Variants in PFDN1 observed in about 807,000 individuals in gnomAD.
PFDN1 encodes prefoldin subunit 1.
PFDN1 carries 6 observed loss-of-function variants against 17.3 expected under a neutral mutation model. That is an observed-to-expected ratio of 0.35 (90% confidence interval 0.19 to 0.69). PFDN1 has a LOEUF of 0.69. PFDN1 is among the 30% of genes least tolerant of loss of function. PFDN1 has a pLI of 0.65. For missense variants in PFDN1, 113 were observed against 146.2 expected (o/e 0.77, Z 1.17); for synonymous variants, 58 against 50.1 (o/e 1.16, Z -0.67).
Position 140,281,509 on chromosome 5 carries a change from T to C in PFDN1, c.225A>G (p.Ala75=). Residue 75 remains alanine (A), a synonymous_variant, in exon 3 of 4, where the codon GCA becomes GCG. Coordinates refer to ENST00000261813, the MANE Select transcript of PFDN1 (RefSeq NM_002622.5). ...GCTTCTCTAACAGCTGACTGTGAATTGCTTCCTTGGACTGAAGAATAAACC... is the reference window on the plus strand; with the variant it reads ...GCTTCTCTAACAGCTGACTGTGAATCGCTTCCTTGGACTGAAGAATAAACC... The part of the protein sequence containing the change: ...GRMFILQSKE[A]IHSQLLEKQK... 1 of 1,590,938 alleles carries C rather than the reference T, an allele frequency of 6.3e-7. No individual in the cohort carries two copies. Among genetic ancestry groups the C allele is most frequent in the Non-Finnish European group, 8.6e-7 (1 of 1,159,510 alleles).
chr5:140,289,716 A>C (rs372914901), intron 2 of PFDN1, among the ~76,000 whole-genome samples: 1 of 152,114 alleles, frequency 6.6e-6, no homozygotes, highest in Admixed American at 6.5e-5. Flanking sequence ...TGTATGTTCC[A>C]TATCACCTCA....
intron 3 of PFDN1, among the ~76,000 whole-genome samples, chr5:140,253,460 TCGGTCCCC>T (rs1366534200): frequency 6.6e-6 from 1 of 152,162 alleles, no homozygotes; most frequent in Non-Finnish European, 1.5e-5. Flanking sequence ...GTTTAGCTGC[TCGGTCCCC>T]CTGAGGTTTA....
At chr5:140,300,028 C>A (rs1765718587) in intron 2 of PFDN1, among the ~76,000 whole-genome samples, 1 of 151,922 alleles carries the variant, frequency 6.6e-6, no homozygotes, top group South Asian at 2.1e-4. Flanking sequence ...GAAAAAGATA[C>A]TTACTTTAAA....
At chr5:140,272,159 A>G (rs1421689610) in intron 3 of PFDN1, among the ~76,000 whole-genome samples, 1 of 151,142 alleles carries the variant, frequency 6.6e-6, no homozygotes, top group Non-Finnish European at 1.5e-5. Context: ...AGCTGGGGCT[A>G]CAGACGCGTG....
chr5:140,262,415 T>G (rs924516367), intron 3 of PFDN1: 2 of 416,838 alleles, frequency 4.8e-6, no homozygotes, highest in African/African-American at 2.0e-5. Flanking sequence ...TCTGGCTCCA[T>G]GAAGAACACG....
intron 3 of PFDN1, among the ~76,000 whole-genome samples, chr5:140,270,247 C>T (rs1173606635): frequency 6.6e-6 from 1 of 151,998 alleles, no homozygotes; most frequent in Non-Finnish European, 1.5e-5. Flanking sequence ...TTGAGGAATC[C>T]AGGCATGGGA....
intron 2 of PFDN1, among the ~76,000 whole-genome samples, chr5:140,299,923 A>AAT (rs1765716086): frequency 6.6e-6 from 1 of 152,060 alleles, no homozygotes; most frequent in Non-Finnish European, 1.5e-5. Context: ...GAAGCAGGGG[A>AAT]ATCGCTTGAA....
chr5:140,278,476 G>T (rs1236281884), intron 3 of PFDN1, among the ~76,000 whole-genome samples: 1 of 139,558 alleles, frequency 7.2e-6, no homozygotes, highest in Non-Finnish European at 1.5e-5. Context: ...CAGAAGAATC[G>T]CTTGAACCTT....
At chr5:140,283,590 T>A (rs1025757682) in intron 2 of PFDN1, among the ~76,000 whole-genome samples, 5 of 152,246 alleles carry the variant, frequency 3.3e-5, no homozygotes, top group African/African-American at 1.2e-4. Flanking sequence ...AAAACCTTAC[T>A]GTATATTTAC....
chr5:140,283,956 G>C (rs1197127481), intron 2 of PFDN1, among the ~76,000 whole-genome samples: 1 of 152,168 alleles, frequency 6.6e-6, no homozygotes, highest in Non-Finnish European at 1.5e-5. Flanking sequence ...GCTGGCCAAT[G>C]AGTACTATTC....
intron 3 of PFDN1, among the ~76,000 whole-genome samples, chr5:140,280,527 G>C (rs1446229647): frequency 6.6e-6 from 1 of 152,104 alleles, no homozygotes. Context: ...TTAAAAATAA[G>C]CCTAAGTAAC....
At chr5:140,302,295 G>C (rs1213294683) in intron 1 of PFDN1, among the ~76,000 whole-genome samples, 1 of 152,192 alleles carries the variant, frequency 6.6e-6, no homozygotes, top group Non-Finnish European at 1.5e-5. Flanking sequence ...AAGCATACTG[G>C]TTTGGGGTCA....
intron 2 of PFDN1, among the ~76,000 whole-genome samples, chr5:140,296,322 T>C (rs1159519977): frequency 6.6e-6 from 1 of 152,188 alleles, no homozygotes; most frequent in East Asian, 1.9e-4. Context: ...ATTTAATAGC[T>C]ATTTTGTGCC....
rs368532164 is a variant in PFDN1 at position 140,281,409 on chromosome 5, T to G, written c.285+40A>C. On this transcript the variant is annotated intron_variant, in intron 3 of 3. Transcript: ENST00000261813. Reference sequence around the variant, plus strand: ...AATATGACACAATAAGATTACTACTTTCTCCCAAAAGTTAACTCCTATTGC... The same window carrying G: ...AATATGACACAATAAGATTACTACTGTCTCCCAAAAGTTAACTCCTATTGC... 2.6e-5 allele frequency: 22 copies of G among 852,440 alleles called. No homozygotes were observed. In the African/African-American group the frequency reaches 3.6e-4, roughly 14 times the overall value. The allele number at this position is 852,440 out of a possible 1,614,324, so 52.8% of individuals were successfully genotyped here. A position where few individuals can be genotyped will look rare whatever the true frequency, so the allele number is the denominator to read the frequency against.
At chr5:140,276,967 C>T (rs1455575343) in intron 3 of PFDN1, among the ~76,000 whole-genome samples, 3 of 151,948 alleles carry the variant, frequency 2.0e-5, no homozygotes. Context: ...CACCTATAAT[C>T]CTAGCACTTT....
At chr5:140,281,321 C>A (rs573485491) in intron 3 of PFDN1, 128 bp downstream of exon 3, 14 of 588,034 alleles carry the variant, frequency 2.4e-5, no homozygotes, top group African/African-American at 3.8e-5. Flanking sequence ...ACGGCTCCAA[C>A]GTAATTATAG....
chr5:140,266,993 G>C (rs1765142213), intron 3 of PFDN1, among the ~76,000 whole-genome samples: 1 of 152,160 alleles, frequency 6.6e-6, no homozygotes, highest in African/African-American at 2.4e-5. Context: ...GTTAAATGCA[G>C]GTGTACTGGA....
intron 2 of PFDN1, among the ~76,000 whole-genome samples, chr5:140,295,655 T>C (rs925983773): frequency 6.6e-6 from 1 of 152,170 alleles, no homozygotes; most frequent in Non-Finnish European, 1.5e-5. Flanking sequence ...CTGGATGGAA[T>C]ATAGCTTTGA....
intron 1 of PFDN1, among the ~76,000 whole-genome samples, chr5:140,302,029 A>T (rs867959949): frequency 6.6e-6 from 1 of 152,192 alleles, no homozygotes; most frequent in Non-Finnish European, 1.5e-5. Flanking sequence ...CACTAACAAA[A>T]GCTTCATTTG....
Sources: allele counts gnomAD v4.1 joint callset (sites outside exome capture counted in the v4.1 genomes callset), GRCh38; gene constraint gnomAD v4.1.1; transcripts MANE v1.5; gene names NCBI Gene and HGNC (gene_info 2026-07-23, HGNC 2026-07-21).